The following RGS6 variants were observed in gnomAD, a reference collection of about 807,000 sequenced individuals.
RGS6 encodes the protein regulator of G protein signaling 6.
RGS6 carries 30 observed loss-of-function variants against 78.5 expected under a neutral mutation model. That is an observed-to-expected ratio of 0.38 (90% CI 0.29 to 0.52). RGS6 has a LOEUF of 0.52. Ranked by LOEUF, RGS6 falls within the 20% of genes least tolerant of loss-of-function variation. The pLI, the probability that RGS6 is intolerant of heterozygous loss-of-function variation, is 0.85. For synonymous variants in RGS6, 206 were observed against 206.0 expected, an observed-to-expected ratio of 1.00 and a Z score of 0.00; for missense variants, 495 against 609.7, an observed-to-expected ratio of 0.81 and a Z score of 1.98.
the RGS6 span, among the ~76,000 whole-genome samples, chr14:72,582,375 T>A: frequency 6.6e-6 from 1 of 152,126 alleles, no homozygotes; most frequent in Non-Finnish European, 1.5e-5. Context: ...ATCCCCTGTA[T>A]CTATTATAAC....
chr14:72,176,487 C>T (rs959322175), intron 2 of RGS6, among the ~76,000 whole-genome samples: 1 of 152,220 alleles, frequency 6.6e-6, no homozygotes, highest in Non-Finnish European at 1.5e-5. Flanking sequence ...GCACACAGAG[C>T]CTGCTGAGCG....
At chr14:72,259,102 G>C (rs2057633211) in intron 2 of RGS6, among the ~76,000 whole-genome samples, 1 of 152,174 alleles carries the variant, frequency 6.6e-6, no homozygotes, top group African/African-American at 2.4e-5. Flanking sequence ...TATAGTGTCT[G>C]CTACACAGAG....
chr14:72,546,285 T>C (rs1386393148), intron 17 of RGS6, among the ~76,000 whole-genome samples: 2 of 152,270 alleles, frequency 1.3e-5, no homozygotes, highest in East Asian at 3.8e-4. Context: ...GTTATAGTTT[T>C]GTAGCTGGAA....
chr14:72,316,896 AGTGT>A (rs71109731), intron 2 of RGS6, among the ~76,000 whole-genome samples: 6,006 of 141,862 alleles, frequency 0.042, 158 homozygotes, highest in Middle Eastern at 0.086. Flanking sequence ...AAGCAGGTGA[AGTGT>A]GTGTGTGTGT....
At chr14:72,115,365 G>C (rs1439055276) in intron 2 of RGS6, among the ~76,000 whole-genome samples, 1 of 152,188 alleles carries the variant, frequency 6.6e-6, no homozygotes, top group African/African-American at 2.4e-5. Context: ...TGGACACGAA[G>C]CTGGGGAAGC....
chr14:71,875,492 C>T, the RGS6 span, among the ~76,000 whole-genome samples: 18 of 152,174 alleles, frequency 1.2e-4, no homozygotes, highest in Middle Eastern at 3.4e-3. Context: ...GTGATGATAT[C>T]CCCTTTATCA....
the RGS6 span, among the ~76,000 whole-genome samples, chr14:71,894,317 T>G: frequency 2.6e-5 from 4 of 152,192 alleles, no homozygotes; most frequent in African/African-American, 9.7e-5. Context: ...TATCCCAATA[T>G]CTGGAGAACA....
intron 12 of RGS6, among the ~76,000 whole-genome samples, chr14:72,478,599 A>G (rs1268364411): frequency 6.6e-6 from 1 of 152,208 alleles, no homozygotes; most frequent in African/African-American, 2.4e-5. Context: ...CTTTAAAGCT[A>G]CATAATGCAC....
chr14:71,951,634 A>G (rs2092328357), intron 1 of RGS6, among the ~76,000 whole-genome samples: 1 of 152,208 alleles, frequency 6.6e-6, no homozygotes, highest in Admixed American at 6.5e-5. Context: ...TTTTAAAGTC[A>G]TCTTCTGATG....
chr14:72,100,637 G>C lies in RGS6; in HGVS notation c.84+135762G>C, dbSNP rs2095509673. Among the ~76,000 whole-genome samples the C allele has an allele frequency of 3.3e-5, 5 of 152,296 alleles. No individual in the cohort carries two copies. The South Asian group carries it at 1.0e-3, about 32-fold the overall frequency. ...AGATGTCACAAGATTACGACAAGGA[G>C]CTCCCAGTGTCTTCACGTAGTTTTC... On this transcript the variant is annotated intron_variant, in intron 2 of 17. Transcript: ENST00000553525.
At chr14:72,032,775 T>C (rs1374055311) in intron 2 of RGS6, among the ~76,000 whole-genome samples, 1 of 152,204 alleles carries the variant, frequency 6.6e-6, no homozygotes, top group African/African-American at 2.4e-5. Flanking sequence ...TTGTAGCTTA[T>C]TGCCAGATTT....
chr14:72,093,520 A>G (rs1242028339), intron 2 of RGS6, among the ~76,000 whole-genome samples: 1 of 152,252 alleles, frequency 6.6e-6, no homozygotes, highest in Non-Finnish European at 1.5e-5. Flanking sequence ...CTGGCACTAC[A>G]GCAGTGAGCC....
intron 2 of RGS6, among the ~76,000 whole-genome samples, chr14:71,986,290 T>A (rs1416648801): frequency 6.6e-6 from 1 of 152,176 alleles, no homozygotes; most frequent in Non-Finnish European, 1.5e-5. Flanking sequence ...CAGGCTTAGA[T>A]GTAATGAGAT....
intron 2 of RGS6, among the ~76,000 whole-genome samples, chr14:72,262,777 TA>T (rs1401133677): frequency 5.3e-5 from 8 of 152,204 alleles, no homozygotes; most frequent in Non-Finnish European, 1.0e-4. Context: ...CAAAAGTGGA[TA>T]TTTTTTGGCT....
intron 2 of RGS6, among the ~76,000 whole-genome samples, chr14:72,296,256 C>T (rs1162188286): frequency 6.6e-6 from 1 of 152,296 alleles, no homozygotes; most frequent in East Asian, 1.9e-4. Context: ...TTTATCCATT[C>T]TCCTGTTTAT....
chr14:72,230,984 A>G (rs143782856), intron 2 of RGS6, among the ~76,000 whole-genome samples: 167 of 152,210 alleles, frequency 1.1e-3, no homozygotes, highest in African/African-American at 3.3e-3. Flanking sequence ...TAGATGATCT[A>G]TTTTTCCTCT....
chr14:72,562,755 A>C lies in RGS6; in HGVS notation c.*288A>C. 6.5e-7 allele frequency: 1 copy of C among 1,534,924 alleles called. No individual in the cohort carries two copies. The highest frequency in any genetic ancestry group is 2.4e-5 in the East Asian group (1 of 40,906). On this transcript the variant is annotated 3_prime_UTR_variant, in exon 18 of 18. Transcript: ENST00000553525. Reference sequence around the variant, plus strand: ...CCACTCGCTAAGAGGCCCTGATCCCAGCTCATTCAGGGGAGAACACGTCGT... The same window carrying C: ...CCACTCGCTAAGAGGCCCTGATCCCCGCTCATTCAGGGGAGAACACGTCGT...
chr14:72,277,772 A>AG (rs1567645153), intron 2 of RGS6, among the ~76,000 whole-genome samples: 2 of 152,038 alleles, frequency 1.3e-5, no homozygotes, highest in African/African-American at 2.4e-5. Flanking sequence ...TACCAAAAAT[A>AG]CAAAAATTAG....
intron 2 of RGS6, among the ~76,000 whole-genome samples, chr14:72,250,256 CTG>C (rs1383363223): frequency 1.3e-5 from 2 of 151,112 alleles, no homozygotes; most frequent in South Asian, 2.1e-4. Context: ...AAAAAAGTAA[CTG>C]TGTTTTCTTC....
Sources: allele counts gnomAD v4.1 joint callset (sites outside exome capture counted in the v4.1 genomes callset), GRCh38; gene constraint gnomAD v4.1.1; transcripts MANE v1.5; gene names NCBI Gene and HGNC (gene_info 2026-07-23, HGNC 2026-07-21).